LRBA: variants seen among roughly 807,000 people sequenced by gnomAD.
LRBA encodes LPS responsive beige-like anchor protein, also known as lipopolysaccharide-responsive and beige-like anchor protein.
LRBA carries 176 observed loss-of-function variants against 330.0 expected under a neutral mutation model. That is an observed-to-expected ratio of 0.53 (90% CI 0.47 to 0.60). LRBA has a LOEUF of 0.60. Among genes scored for constraint, LRBA ranks in the 20% least tolerant of loss-of-function variants. The pLI, the probability that LRBA is intolerant of heterozygous loss-of-function variation, is 0.00. For synonymous variants in LRBA, 1,230 were observed against 1,193.0 expected (o/e 1.03, Z -0.64); for missense variants, 3,259 against 3,444.8 (o/e 0.95, Z 1.35).
At chr4:150,993,512 C>T (rs148184329) in intron 2 of LRBA, among the ~76,000 whole-genome samples, 2,489 of 152,268 alleles carry the variant, frequency 0.016, 38 homozygotes, top group Non-Finnish European at 0.021. Flanking sequence ...CAAGACCAGC[C>T]TGACCAACAT....
intron 37 of LRBA, among the ~76,000 whole-genome samples, chr4:150,625,802 C>T (rs1312970556): frequency 1.3e-5 from 2 of 151,638 alleles, no homozygotes; most frequent in African/African-American, 2.4e-5. Flanking sequence ...CTCCACCTCC[C>T]GGGTTAGAGT....
chr4:150,553,551 C>A (rs921520907), intron 40 of LRBA, among the ~76,000 whole-genome samples: 5 of 152,088 alleles, frequency 3.3e-5, no homozygotes, highest in Admixed American at 6.6e-5. Context: ...GGGTTGGGAA[C>A]CCTTGCCTTA....
intron 36 of LRBA, among the ~76,000 whole-genome samples, chr4:150,685,387 A>AACATATATAT (rs1783454019): frequency 8.1e-5 from 1 of 12,336 alleles, no homozygotes; most frequent in African/African-American, 3.4e-4. Context: ...TAAGGAATCA[A>AACATATATAT]ATATATATAT....
At chr4:150,721,149 G>A in intron 36 of LRBA, 1 of 586,354 alleles carries the variant, frequency 1.7e-6, no homozygotes, top group East Asian at 4.4e-5. Context: ...TGAGCAATGT[G>A]CAATGGCCAT....
At chr4:150,787,003 G>A (rs375913220) in intron 34 of LRBA, among the ~76,000 whole-genome samples, 16 of 152,168 alleles carry the variant, frequency 1.1e-4, no homozygotes, top group African/African-American at 3.6e-4. Flanking sequence ...AGGCAAAGGT[G>A]AGCAAATCAC....
intron 37 of LRBA, among the ~76,000 whole-genome samples, chr4:150,645,164 A>T (rs1424390703): frequency 1.3e-5 from 2 of 150,738 alleles, no homozygotes; most frequent in African/African-American, 2.4e-5. Flanking sequence ...TAACAGTGGT[A>T]AGGTTTTATT....
intron 37 of LRBA, among the ~76,000 whole-genome samples, chr4:150,669,905 G>A (rs1781902234): frequency 6.6e-6 from 1 of 152,082 alleles, no homozygotes; most frequent in African/African-American, 2.4e-5. Flanking sequence ...TGTATTTTTG[G>A]CAAGAAGACC....
intron 40 of LRBA, among the ~76,000 whole-genome samples, chr4:150,575,821 G>A (rs563766431): frequency 1.3e-4 from 20 of 151,872 alleles, no homozygotes; most frequent in Non-Finnish European, 2.7e-4. Flanking sequence ...GGCTCACAAT[G>A]TGAGTCAATA....
intron 46 of LRBA, among the ~76,000 whole-genome samples, chr4:150,425,917 T>C (rs560059557): frequency 6.6e-6 from 1 of 152,100 alleles, no homozygotes; most frequent in Admixed American, 6.5e-5. Flanking sequence ...GGTAAAAAAA[T>C]GTGAAAGCAA....
intron 2 of LRBA, among the ~76,000 whole-genome samples, chr4:150,990,644 G>A (rs1199798411): frequency 1.3e-5 from 2 of 152,188 alleles, no homozygotes; most frequent in African/African-American, 4.8e-5. Flanking sequence ...GCTGAGGTTG[G>A]AGGATCACTT....
intron 47 of LRBA, among the ~76,000 whole-genome samples, chr4:150,379,931 G>A (rs1301965663): frequency 6.6e-6 from 1 of 151,072 alleles, no homozygotes; most frequent in Non-Finnish European, 1.5e-5. Flanking sequence ...GGGACAACGA[G>A]GTGAGAGGAT....
intron 26 of LRBA, among the ~76,000 whole-genome samples, chr4:150,848,358 T>G (rs1433385074): frequency 6.6e-6 from 1 of 151,888 alleles, no homozygotes; most frequent in Non-Finnish European, 1.5e-5. Context: ...ATCATCAAAT[T>G]TATGAATCAC....
chr4:150,479,866 G>A (rs1405562330), intron 42 of LRBA, among the ~76,000 whole-genome samples: 1 of 152,192 alleles, frequency 6.6e-6, no homozygotes. Context: ...AGGAGCACAT[G>A]AGAGATTCCT....
intron 7 of LRBA, 78 bp downstream of exon 7, chr4:150,916,323 A>G: frequency 7.2e-7 from 1 of 1,383,136 alleles, no homozygotes; most frequent in Non-Finnish European, 9.9e-7. Context: ...ATGTTATTAT[A>G]TGAATAACAT....
Position 150,556,805 on chromosome 4 carries a change from T to G in LRBA, c.6330+31243A>C, listed in dbSNP as rs80124325. ...ATGTTGTGGTGTATAAATTGGATAC[T>G]TCTTCCTAAATGTCTTGCAATGTTT... On this transcript the variant is annotated intron_variant, in intron 40 of 56. Coordinates refer to ENST00000651943, the MANE Select transcript of LRBA (RefSeq NM_001364905.1). 7.2e-3 allele frequency among the ~76,000 whole-genome samples: 1,103 copies of G among 152,356 alleles called. 4 individuals carry two copies. The highest frequency in any genetic ancestry group is 0.012 in the Non-Finnish European group (810 of 68,034).
chr4:150,282,346 C>T, intron 55 of LRBA, 104 bp downstream of exon 55: 8 of 1,021,744 alleles, frequency 7.8e-6, no homozygotes, highest in East Asian at 4.7e-5. Context: ...AAGAGGCCCT[C>T]GGCAATCCAA....
In LRBA at chr4:150,321,562, C is replaced by T. The variant is rs552648063; in HGVS notation, c.7453-194G>A. On this transcript the variant is annotated intron_variant, in intron 49 of 56. Transcript: ENST00000651943. This position sits in a 1 kb window ranked among gnomAD's most constrained non-coding sequence, Gnocchi z 4.5. ...GTCATGATCTGTTATTCATGTATGTCGTTAGTTGGAATTTTGGGGGACTGA... is the reference window on the plus strand; with the variant it reads ...GTCATGATCTGTTATTCATGTATGTTGTTAGTTGGAATTTTGGGGGACTGA... Among the ~76,000 whole-genome samples the T allele has an allele frequency of 6.6e-6, 1 of 152,196 alleles. No homozygotes were observed. The highest frequency in any genetic ancestry group is 1.9e-4 in the East Asian group (1 of 5,178).
intron 2 of LRBA, among the ~76,000 whole-genome samples, chr4:150,973,971 C>T (rs1019420753): frequency 1.2e-4 from 18 of 152,182 alleles, no homozygotes; most frequent in African/African-American, 4.3e-4. Context: ...AAATATAAGA[C>T]GCACTCGCTG....
chr4:150,684,825 T>C, intron 36 of LRBA, among the ~76,000 whole-genome samples: 1 of 152,154 alleles, frequency 6.6e-6, no homozygotes, highest in East Asian at 1.9e-4. Context: ...ACATACGGAA[T>C]ATGCATTGTG....
Sources: gnomAD v4.1 joint callset for allele counts (sites outside exome capture counted in the v4.1 genomes callset) on GRCh38, gnomAD v4.1.1 for gene constraint, Gnocchi (gnomAD v3.1) non-coding constraint, MANE v1.5 for transcripts, NCBI Gene and HGNC (gene_info 2026-07-23, HGNC 2026-07-21) for gene names.